CEACAM6: variants seen among roughly 807,000 people sequenced by gnomAD.
CEACAM6 encodes the protein CEA cell adhesion molecule 6.
In CEACAM6, 21 loss-of-function variants were observed where a neutral mutation model predicts 32.4. That is an observed-to-expected ratio of 0.65 (90% confidence interval 0.46 to 0.93). The LOEUF is 0.93. Ranked by LOEUF, CEACAM6 falls within the 40% of genes least tolerant of loss-of-function variation. The pLI is 0.00. For synonymous variants in CEACAM6, 184 were observed against 174.4 expected (o/e 1.06, Z -0.43); for missense variants, 406 against 432.2 (o/e 0.94, Z 0.54).
In CEACAM6 at chr19:41,761,369, G is replaced by A. The variant is rs782607578; in HGVS notation, c.545G>A (p.Gly182Asp). 1.4e-5 allele frequency: 23 copies of A among 1,614,202 alleles called. No homozygotes were observed. The highest frequency in any genetic ancestry group is 1.8e-5 in the Non-Finnish European group (21 of 1,180,030). ...QNTTYLWWVNGQSLPVSPRLQ... is the reference protein window; with the variant it reads ...QNTTYLWWVNDQSLPVSPRLQ... ...ACAACCTACCTGTGGTGGGTAAATG[G>A]TCAGAGCCTCCCGGTCAGTCCCAGG... The change falls in exon 3 of 6, where the codon GGT (glycine) becomes GAT (aspartate). Residue 182 changes from glycine to aspartate, a missense_variant. Physicochemically the swap from Gly to Asp is moderately conservative, Grantham distance 94. Transcript: ENST00000199764.
Position 41,755,564 on chromosome 19 carries a change from C to T in CEACAM6, c.-75C>T. 3.5e-6 allele frequency: 5 copies of T among 1,417,046 alleles called. No homozygotes were observed. The highest frequency in any genetic ancestry group is 2.3e-5 in the East Asian group (1 of 43,046). 87.8% of individuals were successfully genotyped at this position (1,417,046 alleles called of 1,614,324 possible). On this transcript the variant is annotated 5_prime_UTR_variant, in exon 1 of 6. Coordinates refer to ENST00000199764, the MANE Select transcript of CEACAM6 (RefSeq NM_002483.7). ...GGAAGGACAGCAGGGCCAACAGTCA[C>T]AGCAGCCCTGACCAGAGCATTCCTG...
intron 5 of CEACAM6, among the ~76,000 whole-genome samples, chr19:41,769,191 C>T (rs1384569321): frequency 6.6e-6 from 1 of 152,074 alleles, no homozygotes; most frequent in Admixed American, 6.5e-5. Flanking sequence ...GTGATCCACC[C>T]GCCTCAGCCT....
At position 41,763,365 on chromosome 19, in the gene CEACAM6, T is replaced by A. The variant is rs565325179; in HGVS notation, c.958+1142T>A. Among the ~76,000 whole-genome samples the A allele has an allele frequency of 2.3e-4, 35 of 152,258 alleles. No homozygotes were observed. In the South Asian group the frequency reaches 6.9e-3, roughly 30 times the overall value. On this transcript the variant is annotated intron_variant, in intron 4 of 5. Coordinates refer to ENST00000199764, the MANE Select transcript of CEACAM6 (RefSeq NM_002483.7). ...TCCCCATCATCACCCATCTCCAGGA[T>A]GTCCTTAAATAGCAAAGCCTCAGAA...
intron 5 of CEACAM6, among the ~76,000 whole-genome samples, chr19:41,767,861 A>C (rs2122934330): frequency 6.6e-6 from 1 of 152,288 alleles, no homozygotes; most frequent in East Asian, 1.9e-4. Flanking sequence ...TAAAAGGAAA[A>C]GCCGCCTTAT....
Position 41,758,996 on chromosome 19 carries a change from C to T in CEACAM6, c.424+2037C>T, listed in dbSNP as rs538240781. The stretch of plus-strand genomic sequence containing the variant: ...GAACAGGCCACGGGACAGGGACAAG[C>T]GACTCCTCCATACAGTCTCTACTGA... On this transcript the variant is annotated intron_variant, in intron 2 of 5. Coordinates refer to ENST00000199764, the MANE Select transcript of CEACAM6 (RefSeq NM_002483.7). Among the ~76,000 whole-genome samples, 348 of 152,340 alleles carry T rather than the reference C, an allele frequency of 2.3e-3. 5 individuals carry two copies. Among genetic ancestry groups the T allele is most frequent in the Non-Finnish European group, 7.5e-4 (51 of 68,036 alleles).
chr19:41,763,076 T>C (rs1320947810), intron 4 of CEACAM6, among the ~76,000 whole-genome samples: 1 of 152,124 alleles, frequency 6.6e-6, no homozygotes, highest in Non-Finnish European at 1.5e-5. Flanking sequence ...TGTGTATTTA[T>C]AGAGAGGATA....
At chr19:41,765,938 CAG>C (rs1406808338) in intron 4 of CEACAM6, among the ~76,000 whole-genome samples, 1 of 152,188 alleles carries the variant, frequency 6.6e-6, no homozygotes, top group Non-Finnish European at 1.5e-5. Flanking sequence ...AAATAGCAAT[CAG>C]ACTTTCTCAA....
At chr19:41,766,036 A>T (rs1279526828) in intron 4 of CEACAM6, 147 bp from the exon 5 acceptor site, 1 of 470,562 alleles carries the variant, frequency 2.1e-6, no homozygotes, top group African/African-American at 2.0e-5. Flanking sequence ...GAAACGTGGT[A>T]AGAGAGAAAA....
chr19:41,762,310 A>T (rs782004143), intron 4 of CEACAM6, 87 bp downstream of exon 4: 4 of 1,513,180 alleles, frequency 2.6e-6, no homozygotes, highest in African/African-American at 1.4e-5. Context: ...TTCTTTCCCA[A>T]CCTGTGTCCA....
At chr19:41,759,988 A>T (rs2072912908) in intron 2 of CEACAM6, among the ~76,000 whole-genome samples, 1 of 152,232 alleles carries the variant, frequency 6.6e-6, no homozygotes, top group African/African-American at 2.4e-5. Flanking sequence ...TAAACGGGTA[A>T]GTCTACTGCA....
rs191935125 is a variant in CEACAM6 at position 41,771,911 on chromosome 19, T to C, written c.*1150T>C. ...CCAACTGAAATGTTAAGGAAGAAGA[T>C]AGATCCAATTAAAAAAAATTAAAAC... On this transcript the variant is annotated 3_prime_UTR_variant, in exon 6 of 6. Coordinates refer to ENST00000199764, the MANE Select transcript of CEACAM6 (RefSeq NM_002483.7). The C allele has an allele frequency of 9.9e-5, 15 of 151,698 alleles. No individual in the cohort carries two copies. In the East Asian group the frequency reaches 2.1e-3, roughly 22 times the overall value. 9.4% of individuals were successfully genotyped at this position (151,698 alleles called of 1,614,324 possible).
chr19:41,756,492 A>ACACG (rs2072886126), intron 1 of CEACAM6, 108 bp from the exon 2 acceptor site: 6 of 1,431,826 alleles, frequency 4.2e-6, no homozygotes, highest in Non-Finnish European at 5.6e-6. Flanking sequence ...ACACACACAC[A>ACACG]CGCTCCAACG....
At chr19:41,769,789 ATAAT>A (rs2072982306) in intron 5 of CEACAM6, among the ~76,000 whole-genome samples, 1 of 148,268 alleles carries the variant, frequency 6.7e-6, no homozygotes, top group Non-Finnish European at 1.5e-5. Flanking sequence ...TCATTATTTA[ATAAT>A]TTATTAATAT....
chr19:41,755,533 G>T lies in CEACAM6; in HGVS notation c.-106G>T. ...TATCCCTGAGAGGAGGCTCAGCACA[G>T]AAGGAGGAAGGACAGCAGGGCCAAC... is the stretch of plus-strand genomic sequence containing the variant. On this transcript the variant is annotated 5_prime_UTR_variant, in exon 1 of 6. Coordinates refer to ENST00000199764, the MANE Select transcript of CEACAM6 (RefSeq NM_002483.7). 9.3e-7 allele frequency: 1 copy of T among 1,074,142 alleles called. No individual in the cohort carries two copies. Among genetic ancestry groups the T allele is most frequent in the Non-Finnish European group, 1.4e-6 (1 of 706,184 alleles). 66.5% of individuals were successfully genotyped at this position (1,074,142 alleles called of 1,614,324 possible). A position where few individuals can be genotyped will look rare whatever the true frequency, so the allele number is the denominator to read the frequency against.
chr19:41,762,284 G>A, intron 4 of CEACAM6, 61 bp downstream of exon 4: 1 of 1,563,274 alleles, frequency 6.4e-7, no homozygotes, highest in African/African-American at 1.4e-5. Flanking sequence ...TCTCAGAGAA[G>A]AGCCAGGAAG....
chr19:41,761,335 G>T lies in CEACAM6; in HGVS notation c.511G>T (p.Val171Phe). Residue 171 changes from valine (V) to phenylalanine (F), a missense_variant, in exon 3 of 6, where the codon GTT becomes TTT. Val to Phe is a conservative substitution (Grantham distance 50). Transcript: ENST00000199764. The stretch of plus-strand genomic sequence containing the variant: ...TGTGGCCTTCACCTGTGAACCTGAG[G>T]TTCAGAACACAACCTACCTGTGGTG... Reference protein sequence around the residue: ...DAVAFTCEPEVQNTTYLWWVN... With the variant: ...DAVAFTCEPEFQNTTYLWWVN... The T allele has an allele frequency of 6.2e-7, 1 of 1,614,190 alleles. No homozygotes were observed. Among genetic ancestry groups the T allele is most frequent in the Non-Finnish European group, 8.5e-7 (1 of 1,180,048 alleles).
Position 41,768,367 on chromosome 19 carries a change from T to A in CEACAM6, c.*40+2068T>A, listed in dbSNP as rs201642848. On this transcript the variant is annotated intron_variant, in intron 5 of 5. Coordinates refer to ENST00000199764, the MANE Select transcript of CEACAM6 (RefSeq NM_002483.7). Reference sequence around the variant, plus strand: ...ACATCTTGTACCGCCCTTAATCCATTTAACCCTGAGTGGACACAGCACATG... The same window carrying A: ...ACATCTTGTACCGCCCTTAATCCATATAACCCTGAGTGGACACAGCACATG... Among the ~76,000 whole-genome samples the A allele has an allele frequency of 1.2e-4, 18 of 152,336 alleles. No homozygotes were observed. The East Asian group carries it at 3.5e-3, about 29-fold the overall frequency.
chr19:41,764,857 T>C, intron 4 of CEACAM6, among the ~76,000 whole-genome samples: 1 of 152,270 alleles, frequency 6.6e-6, no homozygotes, highest in Non-Finnish European at 1.5e-5. Flanking sequence ...TTAATGTAAG[T>C]ATTTACCACT....
intron 1 of CEACAM6, 82 bp downstream of exon 1, chr19:41,755,784 G>C (rs1555820943): frequency 1.7e-6 from 2 of 1,209,674 alleles, no homozygotes; most frequent in Admixed American, 2.5e-5. Context: ...ACAAGGCTCT[G>C]AGAGGAGACA....
Sources: gnomAD v4.1 joint callset for allele counts (sites outside exome capture counted in the v4.1 genomes callset) on GRCh38, gnomAD v4.1.1 for gene constraint, MANE v1.5 for transcripts, NCBI Gene and HGNC (gene_info 2026-07-23, HGNC 2026-07-21) for gene names.